Variants in GCNT2 observed in about 807,000 individuals in gnomAD.
GCNT2 encodes the protein N-acetyllactosaminide beta-1,6-N-acetylglucosaminyl-transferase.
GCNT2 carries 34 observed loss-of-function variants against 34.2 expected under a neutral mutation model. That is an observed-to-expected ratio of 1.00 (90% CI 0.76 to 1.32). The LOEUF (loss-of-function observed/expected upper bound fraction) is 1.32, where lower values mean the gene tolerates loss of function less well. GCNT2 is among the 40% of genes most tolerant of loss of function. GCNT2 has a pLI of 0.00. For missense variants in GCNT2, 584 were observed against 489.4 expected, an observed-to-expected ratio of 1.19 and a Z score of -1.82; for synonymous variants, 212 against 188.0, an observed-to-expected ratio of 1.13 and a Z score of -1.04.
At chr6:10,571,239 C>G (rs1357571689) in intron 3 of GCNT2, among the ~76,000 whole-genome samples, 1 of 152,038 alleles carries the variant, frequency 6.6e-6, no homozygotes, top group African/African-American at 2.4e-5. Flanking sequence ...TCTATTAATC[C>G]CACCCCATAC....
chr6:10,570,869 C>CGGCTTCCTCCCCACTTCT (rs1442157749), intron 3 of GCNT2, among the ~76,000 whole-genome samples: 1 of 152,142 alleles, frequency 6.6e-6, no homozygotes, highest in African/African-American at 2.4e-5. Context: ...TGGAGTTAAC[C>CGGCTTCCTCCCCACTTCT]GGCTTCCTCC....
chr6:10,571,259 A>T lies in GCNT2; in HGVS notation c.925+41423A>T, dbSNP rs553805085. On this transcript the variant is annotated intron_variant, in intron 3 of 4. Coordinates refer to ENST00000495262, the MANE Select transcript of GCNT2 (RefSeq NM_145649.5). ...TAATCCCACCCCATACGGAAAGAAGATCTCTCAAGTTACACGTGGTATAGA... is the reference window on the plus strand; with the variant it reads ...TAATCCCACCCCATACGGAAAGAAGTTCTCTCAAGTTACACGTGGTATAGA... Among the ~76,000 whole-genome samples the T allele has an allele frequency of 1.5e-4, 23 of 152,326 alleles. No homozygotes were observed. The South Asian group carries it at 4.4e-3, about 29-fold the overall frequency.
intron 3 of GCNT2, chr6:10,586,943 AGATT>A (rs1245919410): frequency 6.7e-7 from 1 of 1,498,268 alleles, no homozygotes; most frequent in South Asian, 1.1e-5. Flanking sequence ...TCTGATTGAT[AGATT>A]GAGTTTGCTA....
At chr6:10,594,964 G>A (rs1764790469) in intron 3 of GCNT2, among the ~76,000 whole-genome samples, 1 of 151,876 alleles carries the variant, frequency 6.6e-6, no homozygotes, top group Non-Finnish European at 1.5e-5. Context: ...TCCCACCTCA[G>A]CCTCCCCAGT....
intron 3 of GCNT2, among the ~76,000 whole-genome samples, chr6:10,564,292 T>C (rs1360503065): frequency 2.6e-5 from 4 of 152,128 alleles, no homozygotes; most frequent in African/African-American, 9.7e-5. Context: ...GAGTAGAGAA[T>C]GTGTGTGGCG....
intron 3 of GCNT2, among the ~76,000 whole-genome samples, chr6:10,617,029 G>T (rs933299046): frequency 3.9e-5 from 6 of 152,256 alleles, no homozygotes; most frequent in Admixed American, 1.3e-4. Flanking sequence ...CGCAGGTGGA[G>T]CTGCCTGCCA....
Position 10,579,304 on chromosome 6 carries a change from TAAATA to T in GCNT2, c.926-42044_926-42040del, listed in dbSNP as rs1763962891. Among the ~76,000 whole-genome samples the T allele has an allele frequency of 2.0e-5, 3 of 152,316 alleles. No individual in the cohort carries two copies. The South Asian group carries it at 6.2e-4, about 32-fold the overall frequency. Reference sequence around the variant, plus strand: ...GACTCAATGAAAAAACCCACTATATTAAATAAATATATTTCAGAAATGCATTTTTA... The same window carrying T: ...GACTCAATGAAAAAACCCACTATATTAATATATTTCAGAAATGCATTTTTA... On this transcript the variant is annotated intron_variant, in intron 3 of 4. Transcript: ENST00000495262.
chr6:10,580,216 G>A (rs1484371312), intron 3 of GCNT2, among the ~76,000 whole-genome samples: 1 of 152,054 alleles, frequency 6.6e-6, no homozygotes, highest in Non-Finnish European at 1.5e-5. Context: ...GAATACACTG[G>A]AAAAGCTGGC....
chr6:10,574,596 G>A (rs950968235), intron 3 of GCNT2, among the ~76,000 whole-genome samples: 1 of 152,140 alleles, frequency 6.6e-6, no homozygotes, highest in Non-Finnish European at 1.5e-5. Flanking sequence ...TAGGATGGGG[G>A]GAGCATGATT....
intron 1 of GCNT2, among the ~76,000 whole-genome samples, chr6:10,524,608 A>C (rs372193621): frequency 2.0e-5 from 3 of 152,180 alleles, no homozygotes; most frequent in African/African-American, 7.2e-5. Context: ...AAACACATAA[A>C]TAAGAAAGAG....
chr6:10,536,760 G>A (rs1209209984), intron 3 of GCNT2, among the ~76,000 whole-genome samples: 1 of 146,192 alleles, frequency 6.8e-6, no homozygotes, highest in East Asian at 2.0e-4. Context: ...CTGGAGTACA[G>A]TGGCGCAATC....
At chr6:10,554,820 TAG>T (rs1762622574) in intron 3 of GCNT2, among the ~76,000 whole-genome samples, 1 of 152,130 alleles carries the variant, frequency 6.6e-6, no homozygotes. Context: ...GTGGGTTATA[TAG>T]AGAGTTTATT....
Position 10,578,377 on chromosome 6 carries a change from ACT to A in GCNT2, c.926-42971_926-42970del, listed in dbSNP as rs1224198052. On this transcript the variant is annotated intron_variant, in intron 3 of 4. Coordinates refer to ENST00000495262, the MANE Select transcript of GCNT2 (RefSeq NM_145649.5). ...GCCCCTGGGCAACAGAGTGAGTGAG[ACT>A]CTGTCTAAAAGTAAAAAAAAAAAAA... Among the ~76,000 whole-genome samples the A allele has an allele frequency of 8.1e-5, 11 of 136,502 alleles. No homozygotes were observed. The East Asian group carries it at 1.3e-3, about 16-fold the overall frequency. The allele number at this position is 136,502 out of a possible 152,430, so 89.6% of individuals were successfully genotyped here.
intron 3 of GCNT2, among the ~76,000 whole-genome samples, chr6:10,587,359 G>A (rs1764402963): frequency 1.3e-5 from 2 of 152,146 alleles, no homozygotes; most frequent in South Asian, 4.1e-4. Context: ...GGTACTTACT[G>A]GTTTTAGAAT....
intron 4 of GCNT2, 194 bp downstream of exon 4, chr6:10,621,637 C>T (rs1010362314): frequency 1.7e-6 from 1 of 598,276 alleles, no homozygotes; most frequent in Non-Finnish European, 3.1e-6. Context: ...TGTTCTCTAA[C>T]TTATAATTAC....
At chr6:10,557,186 A>G in intron 3 of GCNT2, 1 of 1,554,684 alleles carries the variant, frequency 6.4e-7, no homozygotes, top group Non-Finnish European at 8.7e-7. Flanking sequence ...TCCCCCCCAT[A>G]ATCTCACAAT....
chr6:10,588,863 ATG>A (rs1346567916), intron 3 of GCNT2, among the ~76,000 whole-genome samples: 1 of 107,564 alleles, frequency 9.3e-6, no homozygotes, highest in African/African-American at 3.7e-5. Context: ...GTGTATGTGT[ATG>A]TGTGTGGGGT....
At chr6:10,561,172 T>C (rs1486738918) in intron 3 of GCNT2, among the ~76,000 whole-genome samples, 1 of 152,108 alleles carries the variant, frequency 6.6e-6, no homozygotes, top group Non-Finnish European at 1.5e-5. Context: ...CTTTTCTTTT[T>C]CTTTTTTTTT....
chr6:10,621,001 C>T (rs977618316), intron 3 of GCNT2, among the ~76,000 whole-genome samples: 10 of 152,168 alleles, frequency 6.6e-5, no homozygotes, highest in Admixed American at 1.3e-4. Context: ...AACTGTCAAT[C>T]GCGCTGAAGT....
Sources: allele counts gnomAD v4.1 joint callset (sites outside exome capture counted in the v4.1 genomes callset), GRCh38; gene constraint gnomAD v4.1.1; transcripts MANE v1.5; gene names NCBI Gene and HGNC (gene_info 2026-07-23, HGNC 2026-07-21).